Variants in COL15A1 observed in about 807,000 individuals in gnomAD.
COL15A1 encodes the protein collagen type XV alpha 1 chain.
COL15A1 carries 111 observed loss-of-function variants against 165.9 expected under a neutral mutation model. That is an observed-to-expected ratio of 0.67 (90% CI 0.57 to 0.78). The LOEUF is 0.78. Ranked by LOEUF, COL15A1 falls within the 30% of genes least tolerant of loss-of-function variation. The pLI is 0.00. For missense variants in COL15A1, 1,745 were observed against 1,789.7 expected (o/e 0.98, Z 0.45); for synonymous variants, 659 against 674.8 (o/e 0.98, Z 0.36).
intron 13 of COL15A1, 28 bp downstream of exon 13, chr9:99,022,178 C>T: frequency 1.2e-6 from 2 of 1,614,100 alleles, no homozygotes; most frequent in South Asian, 1.1e-5. Flanking sequence ...GCTTGTCACA[C>T]ACACAGGTGT....
At chr9:98,947,594 C>T (rs1837606288) in intron 2 of COL15A1, among the ~76,000 whole-genome samples, 1 of 152,196 alleles carries the variant, frequency 6.6e-6, no homozygotes, top group Non-Finnish European at 1.5e-5. Context: ...TCTGGTGGGG[C>T]TTCAAGGTGG....
At chr9:99,010,112 T>C (rs1838827594) in intron 9 of COL15A1, among the ~76,000 whole-genome samples, 1 of 152,166 alleles carries the variant, frequency 6.6e-6, no homozygotes, top group African/African-American at 2.4e-5. Context: ...ACGAACGCAG[T>C]TTATTTTGGT....
At chr9:98,964,875 G>A (rs1045216190) in intron 2 of COL15A1, among the ~76,000 whole-genome samples, 6 of 152,114 alleles carry the variant, frequency 3.9e-5, no homozygotes, top group East Asian at 1.9e-4. Context: ...CTTCATCAGC[G>A]CCTTGGCCAA....
In COL15A1 at chr9:98,987,833, T is replaced by C. The variant is rs76051126; in HGVS notation, c.723+465T>C. Among the ~76,000 whole-genome samples the C allele has an allele frequency of 5.1e-3, 770 of 152,294 alleles. 2 individuals carry two copies. Among genetic ancestry groups the C allele is most frequent in the African/African-American group, 0.017 (694 of 41,560 alleles). ...AAGGATTGACTGAGCACCTGCTGGG[T>C]GCCAGCCCTGGGTAGGTGCTGGAGA... On this transcript the variant is annotated intron_variant, in intron 4 of 41. Transcript: ENST00000375001.
chr9:98,953,239 G>A (rs1422098825), intron 2 of COL15A1, among the ~76,000 whole-genome samples: 1 of 152,214 alleles, frequency 6.6e-6, no homozygotes, highest in Non-Finnish European at 1.5e-5. Context: ...GGGGAGCTAA[G>A]GTGGTATCAG....
chr9:99,041,743 T>C (rs984334717), intron 23 of COL15A1, among the ~76,000 whole-genome samples: 29 of 151,994 alleles, frequency 1.9e-4, no homozygotes, highest in African/African-American at 7.0e-4. Context: ...GGAGGAGCCG[T>C]GGGGCAAGCA....
Position 99,024,999 on chromosome 9 carries a change from G to C in COL15A1, c.1980G>C (p.Pro660=). The change falls in exon 15 of 42, where the codon CCG becomes CCC. Residue 660 remains proline (P), a splice_region_variant and synonymous_variant. Transcript: ENST00000375001. ...EDGPAGEPGP[P]GPEGQPGVDG... is the part of the protein sequence containing the mutation. ...GACCTGCTGGTGAACCTGGGCCCCC[G>C]GTGAGCAACTGAAGTCTTCTCCCCA... 6.2e-7 allele frequency: 1 copy of C among 1,612,878 alleles called. No individual in the cohort carries two copies. The highest frequency in any genetic ancestry group is 8.5e-7 in the Non-Finnish European group (1 of 1,179,458).
Position 99,016,041 on chromosome 9 carries a change from T to G in COL15A1, c.1569T>G (p.Gly523=), listed in dbSNP as rs1588516474. 3 of 1,613,756 alleles carry G rather than the reference T, an allele frequency of 1.9e-6. No individual in the cohort carries two copies. The highest frequency in any genetic ancestry group is 2.5e-6 in the Non-Finnish European group (3 of 1,179,880). ...TTEEPLITAG[G]EESGSPPPDG... ...AGGAGCCCCTCATCACAGCTGGGGGTGAAGAGTCCGGCAGCCCTCCCCCTG... is the reference window on the plus strand; with the variant it reads ...AGGAGCCCCTCATCACAGCTGGGGGGGAAGAGTCCGGCAGCCCTCCCCCTG... The change falls in exon 11 of 42, where the codon GGT becomes GGG. Residue 523 remains glycine (G), a synonymous_variant. Coordinates refer to ENST00000375001, the MANE Select transcript of COL15A1 (RefSeq NM_001855.5).
chr9:99,038,936 G>A (rs973537662), intron 22 of COL15A1, among the ~76,000 whole-genome samples: 3 of 152,204 alleles, frequency 2.0e-5, no homozygotes, highest in Non-Finnish European at 1.5e-5. Context: ...CAAAGCAGTG[G>A]AAGCTTCCAG....
intron 22 of COL15A1, among the ~76,000 whole-genome samples, chr9:99,040,314 TCTTC>T: frequency 6.6e-6 from 1 of 152,314 alleles, no homozygotes; most frequent in East Asian, 1.9e-4. Flanking sequence ...CCCTTCTCTC[TCTTC>T]CTTGCTTTCT....
intron 40 of COL15A1, among the ~76,000 whole-genome samples, chr9:99,068,321 C>T (rs113697082): frequency 8.4e-4 from 127 of 152,044 alleles, no homozygotes; most frequent in African/African-American, 2.8e-3. Flanking sequence ...CAAAATTAGC[C>T]GGGTATGGTG....
intron 9 of COL15A1, among the ~76,000 whole-genome samples, chr9:99,008,792 C>T (rs10760647): frequency 0.99 from 150,276 of 152,078 alleles, 74,256 homozygotes; most frequent in East Asian, 1. Flanking sequence ...GTATTTTTAG[C>T]AGAGATGGGG....
chr9:98,966,281 G>C (rs1405341521), intron 2 of COL15A1, among the ~76,000 whole-genome samples: 5 of 152,172 alleles, frequency 3.3e-5, no homozygotes, highest in Non-Finnish European at 7.3e-5. Context: ...AGAAAGCTCA[G>C]AATTAAAATA....
At chr9:98,994,100 G>T (rs1008321433) in intron 5 of COL15A1, among the ~76,000 whole-genome samples, 1 of 133,504 alleles carries the variant, frequency 7.5e-6, no homozygotes, top group African/African-American at 2.7e-5. Flanking sequence ...TCATTTGTGT[G>T]TAAGTGTGTG....
rs1049584475 is a variant in COL15A1, at chr9:99,040,384, C to G, written c.2476-137C>G. The stretch of plus-strand genomic sequence containing the variant: ...CAGACCCTCACAGGGCCCCTTCTTC[C>G]CTAATGCTGTGTCAATCCGTCTTCC... On this transcript the variant is annotated intron_variant, in intron 22 of 41. Transcript: ENST00000375001. The G allele has an allele frequency of 2.1e-6, 3 of 1,422,902 alleles. No individual in the cohort carries two copies. The African/African-American group carries it at 4.2e-5, about 20-fold the overall frequency. 88.1% of individuals were successfully genotyped at this position (1,422,902 alleles called of 1,614,324 possible). A position where few individuals can be genotyped will look rare whatever the true frequency, so the allele number is the denominator to read the frequency against.
chr9:99,070,129 G>A lies in COL15A1; in HGVS notation c.*243G>A, dbSNP rs1383898360. The A allele has an allele frequency of 6.9e-6, 3 of 432,610 alleles. No homozygotes were observed. The highest frequency in any genetic ancestry group is 6.1e-5 in the African/African-American group (3 of 49,040). The allele number at this position is 432,610 out of a possible 1,614,324, so 26.8% of individuals were successfully genotyped here. A position where few individuals can be genotyped will look rare whatever the true frequency, so the allele number is the denominator to read the frequency against. On this transcript the variant is annotated 3_prime_UTR_variant, in exon 42 of 42. Coordinates refer to ENST00000375001, the MANE Select transcript of COL15A1 (RefSeq NM_001855.5). ...AGATTCTGCAGGAAACCCCAGCAGT[G>A]TGAACGCATCCCAACATAGGTTAAG...
rs751914677 is a variant in COL15A1 at position 98,985,746 on chromosome 9, C to T, written c.282C>T (p.Ser94=). ...CCTTCTTCAGGGACTTCGCCATCAG[C>T]GTCGTGGTGAAGCCCAGCAGCACCC... ...PSTFFRDFAI[S]VVVKPSSTRG... is the part of the protein sequence containing the mutation. Residue 94 remains serine, a synonymous_variant, in exon 3 of 42, where the codon AGC becomes AGT. Coordinates refer to ENST00000375001, the MANE Select transcript of COL15A1 (RefSeq NM_001855.5). The T allele has an allele frequency of 2.0e-5, 33 of 1,614,062 alleles. No homozygotes were observed. The highest frequency in any genetic ancestry group is 1.6e-4 in the East Asian group (7 of 44,904).
intron 24 of COL15A1, 46 bp from the exon 25 acceptor site, chr9:99,044,522 G>T: frequency 6.3e-7 from 1 of 1,577,838 alleles, no homozygotes; most frequent in South Asian, 1.1e-5. Flanking sequence ...TGGACAAGGT[G>T]GCAAGGAGGA....
rs1825958517 is a variant in COL15A1, at chr9:99,069,962, A to G, written c.*76A>G. 2.5e-6 allele frequency: 3 copies of G among 1,195,556 alleles called. No homozygotes were observed. The African/African-American group carries it at 5.0e-5, about 20-fold the overall frequency. The allele number at this position is 1,195,556 out of a possible 1,614,324, so 74.1% of individuals were successfully genotyped here. ...GTTGACACTGAAATCTAAAATGTTTAATTGTTGTAAATATTACAGTTTTTT... is the reference window on the plus strand; with the variant it reads ...GTTGACACTGAAATCTAAAATGTTTGATTGTTGTAAATATTACAGTTTTTT... On this transcript the variant is annotated 3_prime_UTR_variant, in exon 42 of 42. Coordinates refer to ENST00000375001, the MANE Select transcript of COL15A1 (RefSeq NM_001855.5).
Sources: gnomAD v4.1 joint callset for allele counts (sites outside exome capture counted in the v4.1 genomes callset) on GRCh38, gnomAD v4.1.1 for gene constraint, MANE v1.5 for transcripts, NCBI Gene and HGNC (gene_info 2026-07-23, HGNC 2026-07-21) for gene names.